Variants in RSU1 observed in about 807,000 individuals in gnomAD.
RSU1 encodes the protein Ras suppressor protein 1.
RSU1 carries 26 observed loss-of-function variants against 31.1 expected under a neutral mutation model. That is an observed-to-expected ratio of 0.84 (90% CI 0.61 to 1.16). RSU1 has a LOEUF of 1.16. Ranked by LOEUF, RSU1 falls within the 50% of genes most tolerant of loss-of-function variation. The pLI, the probability that RSU1 is intolerant of heterozygous loss-of-function variation, is 0.00. For synonymous variants in RSU1, 164 were observed against 136.3 expected (o/e 1.20, Z -1.41); for missense variants, 320 against 339.1 (o/e 0.94, Z 0.44).
chr10:16,620,887 T>C (rs1156434997), intron 8 of RSU1, among the ~76,000 whole-genome samples: 2 of 152,088 alleles, frequency 1.3e-5, no homozygotes, highest in Non-Finnish European at 2.9e-5. Flanking sequence ...AATTTTATTT[T>C]GTAAAAAATT....
chr10:16,592,710 G>A lies in RSU1; in HGVS notation c.*684C>T, dbSNP rs549981847. On this transcript the variant is annotated 3_prime_UTR_variant, in exon 9 of 9. Coordinates refer to ENST00000345264, the MANE Select transcript of RSU1 (RefSeq NM_012425.4). Reference sequence around the variant, plus strand: ...GTTTTTCTGCTTCCTAATTTAGAAAGTCTTCAAAGAAAAAAAAAACTTGAC... The same window carrying A: ...GTTTTTCTGCTTCCTAATTTAGAAAATCTTCAAAGAAAAAAAAAACTTGAC... 6.6e-6 allele frequency: 1 copy of A among 151,328 alleles called. No individual in the cohort carries two copies. Among genetic ancestry groups the A allele is most frequent in the South Asian group, 2.1e-4 (1 of 4,828 alleles). 9.4% of individuals were successfully genotyped at this position (151,328 alleles called of 1,614,324 possible).
intron 7 of RSU1, among the ~76,000 whole-genome samples, chr10:16,735,690 T>C (rs1655681039): frequency 6.6e-6 from 1 of 152,038 alleles, no homozygotes; most frequent in African/African-American, 2.4e-5. Flanking sequence ...ATGTCCTTCT[T>C]CACGTAGCGG....
chr10:16,784,060 G>T (rs1837716088), intron 2 of RSU1, among the ~76,000 whole-genome samples: 1 of 151,436 alleles, frequency 6.6e-6, no homozygotes, highest in South Asian at 2.1e-4. Context: ...AGGGGCAATT[G>T]TTTTGTATTA....
chr10:16,680,880 G>T (rs116963435), intron 8 of RSU1, among the ~76,000 whole-genome samples: 2,527 of 152,286 alleles, frequency 0.017, 30 homozygotes, highest in Non-Finnish European at 0.026. Context: ...TTAGCACCTT[G>T]TTCCCAAGGG....
intron 8 of RSU1, among the ~76,000 whole-genome samples, chr10:16,619,399 G>C (rs1252061785): frequency 1.3e-5 from 2 of 152,170 alleles, no homozygotes; most frequent in Non-Finnish European, 2.9e-5. Context: ...ATGTCAACGG[G>C]AACAACTGCT....
chr10:16,615,750 A>C (rs1297186231), intron 8 of RSU1, among the ~76,000 whole-genome samples: 1 of 152,218 alleles, frequency 6.6e-6, no homozygotes, highest in Non-Finnish European at 1.5e-5. Flanking sequence ...ACTACATGGA[A>C]ACTGAACCTG....
chr10:16,803,759 A>C (rs963575627), intron 2 of RSU1, among the ~76,000 whole-genome samples: 1 of 152,220 alleles, frequency 6.6e-6, no homozygotes, highest in African/African-American at 2.4e-5. Flanking sequence ...ACGGTGCTGA[A>C]ACAGATGGAC....
At chr10:16,734,684 G>A (rs1390808534) in intron 7 of RSU1, among the ~76,000 whole-genome samples, 1 of 152,138 alleles carries the variant, frequency 6.6e-6, no homozygotes, top group Non-Finnish European at 1.5e-5. Flanking sequence ...GAATAAGCAG[G>A]TGAACAATGC....
chr10:16,615,867 C>G (rs1833967544), intron 8 of RSU1, among the ~76,000 whole-genome samples: 2 of 152,136 alleles, frequency 1.3e-5, no homozygotes, highest in South Asian at 4.1e-4. Context: ...TGGGATGTAG[C>G]TAAAGCAGTG....
chr10:16,763,820 CA>C (rs1212208099), intron 4 of RSU1, among the ~76,000 whole-genome samples: 1 of 152,214 alleles, frequency 6.6e-6, no homozygotes, highest in Non-Finnish European at 1.5e-5. Flanking sequence ...AAGCAATACA[CA>C]AAAATAGATT....
intron 8 of RSU1, among the ~76,000 whole-genome samples, chr10:16,613,060 A>G (rs1833920459): frequency 1.3e-5 from 2 of 152,154 alleles, no homozygotes; most frequent in Non-Finnish European, 2.9e-5. Flanking sequence ...TTCAACACCC[A>G]GAATAATGTT....
chr10:16,722,901 T>C (rs961260317), intron 7 of RSU1, among the ~76,000 whole-genome samples: 18 of 146,132 alleles, frequency 1.2e-4, no homozygotes, highest in East Asian at 2.2e-4. Context: ...TATGTATATA[T>C]ACACACATAT....
At chr10:16,657,289 C>T (rs867893719) in intron 8 of RSU1, among the ~76,000 whole-genome samples, 15 of 152,138 alleles carry the variant, frequency 9.9e-5, no homozygotes, top group Non-Finnish European at 1.5e-5. Flanking sequence ...CCTTTAGCTT[C>T]CCTGGCTAAT....
chr10:16,685,085 TA>T (rs1198636867), intron 8 of RSU1, among the ~76,000 whole-genome samples: 1 of 152,026 alleles, frequency 6.6e-6, no homozygotes, highest in African/African-American at 2.4e-5. Context: ...CCATCTCTAC[TA>T]AAAACACAAA....
intron 7 of RSU1, among the ~76,000 whole-genome samples, chr10:16,740,081 A>T (rs985556702): frequency 2.6e-5 from 4 of 152,192 alleles, no homozygotes; most frequent in South Asian, 2.1e-4. Flanking sequence ...CAAAAAAGAA[A>T]AACTATCAAA....
chr10:16,812,891 G>C (rs1300579656), intron 2 of RSU1, among the ~76,000 whole-genome samples: 1 of 152,060 alleles, frequency 6.6e-6, no homozygotes, highest in Non-Finnish European at 1.5e-5. Context: ...TTATCAACCA[G>C]ATGAAGACAG....
intron 2 of RSU1, among the ~76,000 whole-genome samples, chr10:16,783,458 C>G (rs192564716): frequency 3.3e-5 from 5 of 149,820 alleles, no homozygotes; most frequent in Admixed American, 2.0e-4. Flanking sequence ...CAAGTTCAAG[C>G]GATTCTCCTG....
chr10:16,717,435 A>G (rs891873743), intron 7 of RSU1, among the ~76,000 whole-genome samples: 2 of 152,250 alleles, frequency 1.3e-5, no homozygotes, highest in Non-Finnish European at 2.9e-5. Context: ...TATATTAACA[A>G]TGCATTTTAA....
At chr10:16,775,532 G>A (rs1837509948) in intron 3 of RSU1, among the ~76,000 whole-genome samples, 1 of 152,106 alleles carries the variant, frequency 6.6e-6, no homozygotes. Flanking sequence ...GTGGGGGGTG[G>A]CCACAGTCTA....
Sources: allele counts gnomAD v4.1 joint callset (sites outside exome capture counted in the v4.1 genomes callset), GRCh38; gene constraint gnomAD v4.1.1; transcripts MANE v1.5; gene names NCBI Gene and HGNC (gene_info 2026-07-23, HGNC 2026-07-21).